ZNG1E: variants seen among roughly 807,000 people sequenced by gnomAD.
ZNG1E encodes the protein Zn regulated GTPase metalloprotein activator 1E.
At chr9:65,687,532 T>C in the ZNG1E span, among the ~76,000 whole-genome samples, 1 of 152,258 alleles carries the variant, frequency 6.6e-6, no homozygotes, top group Non-Finnish European at 1.5e-5. Flanking sequence ...TTCCATAATC[T>C]CCTAGTGTTT....
the ZNG1E span, chr9:65,719,889 T>C: frequency 4.0e-6 from 5 of 1,264,670 alleles, no homozygotes; most frequent in African/African-American, 1.7e-5. Context: ...AGCTTTTCTC[T>C]ATTGGAATTT....
At chr9:65,728,530 C>T in the ZNG1E span, among the ~76,000 whole-genome samples, 265 of 148,368 alleles carry the variant, frequency 1.8e-3, 26 homozygotes, top group African/African-American at 6.1e-3. Context: ...AGAAATGAAA[C>T]GGGAGATATT....
the ZNG1E span, among the ~76,000 whole-genome samples, chr9:65,714,843 G>A: frequency 6.6e-6 from 1 of 152,000 alleles, no homozygotes; most frequent in African/African-American, 2.4e-5. Context: ...GGTTACTGCT[G>A]TCTTTTTGTG....
the ZNG1E span, chr9:65,732,653 T>C: frequency 8.6e-7 from 1 of 1,165,110 alleles, no homozygotes; most frequent in Non-Finnish European, 1.1e-6. Flanking sequence ...ATATAAAATC[T>C]TTAATCAATA....
At chr9:65,717,289 A>G in the ZNG1E span, among the ~76,000 whole-genome samples, 2 of 149,656 alleles carry the variant, frequency 1.3e-5, no homozygotes, top group Non-Finnish European at 2.9e-5. Context: ...AGCCCTAAGC[A>G]TAAATTTGGT....
the ZNG1E span, chr9:65,700,943 C>T: frequency 2.1e-5 from 3 of 142,972 alleles, no homozygotes; most frequent in East Asian, 5.9e-4. Flanking sequence ...CAGCATAGGA[C>T]AATCAGGACA....
At chr9:65,708,416 A>G in the ZNG1E span, 2 of 167,080 alleles carry the variant, frequency 1.2e-5, no homozygotes, top group African/African-American at 2.6e-5. Flanking sequence ...AAATCAAATC[A>G]TGTGAAGATC....
At chr9:65,715,440 TA>T in the ZNG1E span, among the ~76,000 whole-genome samples, 1 of 149,562 alleles carries the variant, frequency 6.7e-6, no homozygotes, top group Non-Finnish European at 1.5e-5. Context: ...TTCACTTTAA[TA>T]ATGGATTAGT....
the ZNG1E span, among the ~76,000 whole-genome samples, chr9:65,729,889 C>A: frequency 6.0e-4 from 12 of 20,096 alleles, no homozygotes; most frequent in Non-Finnish European, 8.5e-4. Context: ...TGTGGTGAAC[C>A]CAGAACACTT....
the ZNG1E span, among the ~76,000 whole-genome samples, chr9:65,673,469 A>G: frequency 6.6e-6 from 1 of 150,594 alleles, no homozygotes; most frequent in African/African-American, 2.5e-5. Flanking sequence ...GGTGCATTTA[A>G]TTTTTGGCCA....
At chr9:65,684,810 G>T in the ZNG1E span, among the ~76,000 whole-genome samples, 2 of 152,208 alleles carry the variant, frequency 1.3e-5, no homozygotes, top group Non-Finnish European at 2.9e-5. Flanking sequence ...GGGATATTGT[G>T]GGCTTAGTTC....
the ZNG1E span, among the ~76,000 whole-genome samples, chr9:65,660,920 G>A: frequency 3.1e-5 from 4 of 129,300 alleles, no homozygotes; most frequent in East Asian, 4.7e-4. Context: ...GCTAGATAAG[G>A]AGCTTACAAG....
the ZNG1E span, among the ~76,000 whole-genome samples, chr9:65,724,964 A>AG: frequency 0.016 from 2,014 of 122,080 alleles, 1 homozygote; most frequent in Admixed American, 0.06. Flanking sequence ...AAATAAGTAT[A>AG]GTCATGCACT....
At chr9:65,669,405 C>T in the ZNG1E span, among the ~76,000 whole-genome samples, 2 of 150,234 alleles carry the variant, frequency 1.3e-5, no homozygotes, top group African/African-American at 2.5e-5. Flanking sequence ...AAACTTATAG[C>T]CACAAATGTC....
the ZNG1E span, among the ~76,000 whole-genome samples, chr9:65,684,636 G>A: frequency 6.6e-6 from 1 of 151,558 alleles, no homozygotes; most frequent in Admixed American, 6.6e-5. Flanking sequence ...GTGCTACTTG[G>A]TAGTATGTTG....
the ZNG1E span, among the ~76,000 whole-genome samples, chr9:65,718,922 G>A: frequency 1.9e-5 from 1 of 52,438 alleles, no homozygotes; most frequent in Non-Finnish European, 3.8e-5. Context: ...TGAGACTTAT[G>A]GGAACTAAAC....
the ZNG1E span, among the ~76,000 whole-genome samples, chr9:65,714,328 G>A: frequency 1.9e-4 from 29 of 151,626 alleles, no homozygotes; most frequent in Admixed American, 1.9e-3. Flanking sequence ...GGAGTAATTT[G>A]ATCGTCTGAA....
chr9:65,678,106 T>C, the ZNG1E span, among the ~76,000 whole-genome samples: 1 of 152,108 alleles, frequency 6.6e-6, no homozygotes, highest in Non-Finnish European at 1.5e-5. Context: ...TTTTTTTTTT[T>C]TTTTTCATAA....
the ZNG1E span, among the ~76,000 whole-genome samples, chr9:65,722,056 TGTTA>T: frequency 1.6e-4 from 18 of 109,182 alleles, no homozygotes; most frequent in African/African-American, 7.0e-4. Flanking sequence ...GTATGTTTTC[TGTTA>T]GTTATGATAT....
Sources: allele counts gnomAD v4.1 joint callset (sites outside exome capture counted in the v4.1 genomes callset), GRCh38; gene constraint gnomAD v4.1.1; transcripts MANE v1.5; gene names NCBI Gene and HGNC (gene_info 2026-07-23, HGNC 2026-07-21).